CELF2: variants seen among roughly 807,000 people sequenced by gnomAD.
CELF2 encodes CUGBP Elav-like family member 2, also known as CUG triplet repeat RNA-binding protein 2.
A neutral mutation model predicts 62.6 loss-of-function variants in CELF2; 8 were observed. The observed-to-expected ratio is 0.13, with a 90% confidence interval of 0.07 to 0.23. CELF2 has a LOEUF of 0.23. Ranked by LOEUF, CELF2 falls within the 10% of genes least tolerant of loss-of-function variation. CELF2 has a pLI of 1.00. For synonymous variants in CELF2, 258 were observed against 250.0 expected, an observed-to-expected ratio of 1.03 and a Z score of -0.30; for missense variants, 333 against 671.0, an observed-to-expected ratio of 0.50 and a Z score of 5.56.
At chr10:11,071,845 C>A (rs2070143441) in intron 1 of CELF2, among the ~76,000 whole-genome samples, 1 of 152,214 alleles carries the variant, frequency 6.6e-6, no homozygotes, top group Non-Finnish European at 1.5e-5. Context: ...AGATCTGAAT[C>A]CTTTCATATC....
intron 1 of CELF2, among the ~76,000 whole-genome samples, chr10:11,068,567 G>GT (rs1564602105): frequency 1.6e-5 from 2 of 128,018 alleles, no homozygotes. Flanking sequence ...CATTATTTCT[G>GT]TTTTTTTTTT....
chr10:10,669,174 A>C, the CELF2 span, among the ~76,000 whole-genome samples: 170 of 152,314 alleles, frequency 1.1e-3, 1 homozygote, highest in African/African-American at 4.0e-3. Context: ...AAGCAGTGTG[A>C]CCCTAGCTAA....
chr10:11,016,416 T>C (rs1169856936), upstream of CELF2, among the ~76,000 whole-genome samples: 1 of 152,206 alleles, frequency 6.6e-6, no homozygotes, highest in Non-Finnish European at 1.5e-5. This position sits in a 1 kb window ranked among gnomAD's most constrained non-coding sequence, Gnocchi z 5.2. Flanking sequence ...GCCAGATACA[T>C]TGTTCAGCTG....
intron 1 of CELF2, among the ~76,000 whole-genome samples, chr10:11,018,608 G>A (rs1023952563): frequency 6.6e-6 from 1 of 151,028 alleles, no homozygotes; most frequent in African/African-American, 2.4e-5. Context: ...GCGGAGTCCC[G>A]GGGTCCGGTG....
rs2067206123 is a variant in CELF2 at position 11,227,980 on chromosome 10, C to CAG, written c.354+10474_354+10475dup. The stretch of plus-strand genomic sequence containing the variant: ...GAAGAGTGTGTATTTAAATACCTGC[C>CAG]AGGAAACTGTGCAGGTATTTCACAT... On this transcript the variant is annotated intron_variant, in intron 3 of 12. Transcript: ENST00000633077. The surrounding 1 kb of genome is among the most constrained non-coding windows in gnomAD (Gnocchi z 4.8). 1.3e-5 allele frequency among the ~76,000 whole-genome samples: 2 copies of CAG among 152,136 alleles called. No individual in the cohort carries two copies. The highest frequency in any genetic ancestry group is 2.9e-5 in the Non-Finnish European group (2 of 68,022).
At chr10:10,868,268 G>A (rs1015839016) in intron 1 of CELF2, among the ~76,000 whole-genome samples, 4 of 152,212 alleles carry the variant, frequency 2.6e-5, no homozygotes, top group African/African-American at 9.6e-5. Flanking sequence ...CTGCAGCTAT[G>A]GCCTTGCCTG....
the CELF2 span, among the ~76,000 whole-genome samples, chr10:10,640,998 C>T: frequency 2.6e-5 from 4 of 152,122 alleles, no homozygotes; most frequent in Admixed American, 1.3e-4. Context: ...TATGATAAAC[C>T]GTCTTTAAGG....
chr10:11,015,577 CTTTTA>C (rs1400662461), upstream of CELF2, among the ~76,000 whole-genome samples: 1 of 152,188 alleles, frequency 6.6e-6, no homozygotes, highest in Non-Finnish European at 1.5e-5. The surrounding 1 kb of genome is among the most constrained non-coding windows in gnomAD (Gnocchi z 4.8). Context: ...AGTGAGTTTT[CTTTTA>C]TATTTGACCC....
At chr10:10,915,185 A>G (rs1161379268) in intron 1 of CELF2, among the ~76,000 whole-genome samples, 1 of 151,960 alleles carries the variant, frequency 6.6e-6, no homozygotes, top group African/African-American at 2.4e-5. Flanking sequence ...TTGAAATCAG[A>G]TTATCTTGGT....
upstream of CELF2, chr10:11,005,217 A>G (rs1049219829): frequency 6.7e-7 from 1 of 1,483,478 alleles, no homozygotes; most frequent in Non-Finnish European, 8.9e-7. The surrounding 1 kb of genome is among the most constrained non-coding windows in gnomAD (Gnocchi z 4.3). Context: ...ACTATTCAGC[A>G]TTTGACTAGG....
chr10:10,901,246 C>A (rs568557728), intron 1 of CELF2, among the ~76,000 whole-genome samples: 1 of 152,242 alleles, frequency 6.6e-6, no homozygotes, highest in South Asian at 2.1e-4. Context: ...AGTTGGGAGG[C>A]TAACAGTGTA....
At chr10:10,725,778 G>T in the CELF2 span, among the ~76,000 whole-genome samples, 1 of 152,026 alleles carries the variant, frequency 6.6e-6, no homozygotes, top group Non-Finnish European at 1.5e-5. Flanking sequence ...TATTCGGGTT[G>T]CCTGGTATAC....
chr10:10,900,994 G>A (rs921136417), intron 1 of CELF2, among the ~76,000 whole-genome samples: 3 of 152,170 alleles, frequency 2.0e-5, no homozygotes, highest in Non-Finnish European at 4.4e-5. Context: ...GTGAAAATCT[G>A]TACACTGAAA....
At position 11,157,855 on chromosome 10, in the gene CELF2, A is replaced by G. The variant is rs1419257085; in HGVS notation, c.75-7631A>G. Among the ~76,000 whole-genome samples the G allele has an allele frequency of 1.3e-5, 2 of 152,232 alleles. No homozygotes were observed. The highest frequency in any genetic ancestry group is 2.9e-5 in the Non-Finnish European group (2 of 68,036). The stretch of plus-strand genomic sequence containing the variant: ...TTGCATAAATAAGTCCAGGCAAAGT[A>G]TCTTCAGTGGTGAAAACAGAAGTTA... On this transcript the variant is annotated intron_variant, in intron 1 of 12. Transcript: ENST00000633077. The surrounding 1 kb of genome is among the most constrained non-coding windows in gnomAD (Gnocchi z 4.9).
rs2053275172 is a variant in CELF2, at chr10:10,990,195, G to T, written c.89+70196G>T. Among the ~76,000 whole-genome samples the T allele has an allele frequency of 6.6e-6, 1 of 151,584 alleles. No homozygotes were observed. The highest frequency in any genetic ancestry group is 6.6e-5 in the Admixed American group (1 of 15,242). ...AGAGGAATGGTTAAATAAATTATGG[G>T]ATATTTGTAAAATGAAATAATATAT... On this transcript the variant is annotated intron_variant, in intron 2 of 13. Transcript: ENST00000636488. This position sits in a 1 kb window ranked among gnomAD's most constrained non-coding sequence, Gnocchi z 4.6.
At chr10:11,085,205 GAA>G (rs1564668924) in intron 1 of CELF2, among the ~76,000 whole-genome samples, 10 of 152,174 alleles carry the variant, frequency 6.6e-5, no homozygotes, top group Non-Finnish European at 1.5e-4. Flanking sequence ...TACTGTCGTT[GAA>G]GACATTGGAA....
the CELF2 span, among the ~76,000 whole-genome samples, chr10:10,634,669 T>TC: frequency 1.3e-5 from 2 of 150,392 alleles, no homozygotes; most frequent in Admixed American, 6.6e-5. Context: ...TTCTTTTCTT[T>TC]TTTTTTTTTT....
intron 1 of CELF2, among the ~76,000 whole-genome samples, chr10:11,124,981 G>A (rs935145995): frequency 4.6e-5 from 7 of 152,284 alleles, no homozygotes; most frequent in Admixed American, 4.6e-4. Flanking sequence ...ATTACAAACA[G>A]GCATAAGGCA....
chr10:10,686,981 C>T, the CELF2 span, among the ~76,000 whole-genome samples: 4 of 152,200 alleles, frequency 2.6e-5, no homozygotes, highest in African/African-American at 9.6e-5. Context: ...TACCTAAATT[C>T]CTGATCTCTG....
Sources: gnomAD v4.1 joint callset for allele counts (sites outside exome capture counted in the v4.1 genomes callset) on GRCh38, gnomAD v4.1.1 for gene constraint, Gnocchi (gnomAD v3.1) non-coding constraint, MANE v1.5 for transcripts, NCBI Gene and HGNC (gene_info 2026-07-23, HGNC 2026-07-21) for gene names.